The following PLCB4 variants were observed in gnomAD, a reference collection of about 807,000 sequenced individuals.
PLCB4 encodes phospholipase C beta 4.
PLCB4 carries 77 observed loss-of-function variants against 178.8 expected under a neutral mutation model. The observed-to-expected ratio is 0.43, with a 90% CI of 0.36 to 0.52. The LOEUF is 0.52. Ranked by LOEUF, PLCB4 falls within the 20% of genes least tolerant of loss-of-function variation. The probability of loss-of-function intolerance (pLI) is 0.00; values close to 1 mark genes in which losing one functional copy is unlikely to be tolerated. For missense variants in PLCB4, 1,024 were observed against 1,453.4 expected (o/e 0.70, Z 4.80); for synonymous variants, 496 against 490.8 (o/e 1.01, Z -0.14).
intron 3 of PLCB4, among the ~76,000 whole-genome samples, chr20:9,253,993 G>T (rs900169806): frequency 6.6e-6 from 1 of 152,186 alleles, no homozygotes; most frequent in African/African-American, 2.4e-5. Flanking sequence ...TGTTTGGTCT[G>T]CCCAGCTCTA....
chr20:9,115,650 T>G (rs1259164431), intron 2 of PLCB4, among the ~76,000 whole-genome samples: 1 of 144,418 alleles, frequency 6.9e-6, no homozygotes, highest in Non-Finnish European at 1.5e-5. Flanking sequence ...CATTGTTCAA[T>G]TCCCTCCTAT....
intron 39 of PLCB4, among the ~76,000 whole-genome samples, chr20:9,477,158 A>G (rs2044602963): frequency 6.6e-6 from 1 of 152,164 alleles, no homozygotes; most frequent in Non-Finnish European, 1.5e-5. Flanking sequence ...GTGGTTTTTA[A>G]TGATGGAGCT....
intron 19 of PLCB4, among the ~76,000 whole-genome samples, chr20:9,397,465 TAGCATCTAGAATGGTG>T (rs1301261608): frequency 6.6e-6 from 1 of 152,244 alleles, no homozygotes; most frequent in Non-Finnish European, 1.5e-5. Flanking sequence ...TCTTTCTTAA[TAGCATCTAGAATGGTG>T]AACATCAGAA....
chr20:9,414,751 C>T (rs922402043), intron 25 of PLCB4, among the ~76,000 whole-genome samples: 5 of 152,182 alleles, frequency 3.3e-5, no homozygotes, highest in Middle Eastern at 3.4e-3. Flanking sequence ...TTAACAGTCT[C>T]GTTTTTGAAG....
intron 1 of PLCB4, among the ~76,000 whole-genome samples, chr20:9,088,113 G>A (rs2090514797): frequency 6.6e-6 from 1 of 151,912 alleles, no homozygotes; most frequent in East Asian, 1.9e-4. Flanking sequence ...ATCCAGGCAG[G>A]GAATAGAATA....
chr20:9,110,048 A>G (rs2091517683), intron 2 of PLCB4, among the ~76,000 whole-genome samples: 3 of 152,120 alleles, frequency 2.0e-5, no homozygotes, highest in South Asian at 4.1e-4. Flanking sequence ...AGTTTTTTAA[A>G]ATTATTATTA....
chr20:9,400,968 A>G (rs1249033342), intron 19 of PLCB4, among the ~76,000 whole-genome samples: 1 of 152,206 alleles, frequency 6.6e-6, no homozygotes, highest in Non-Finnish European at 1.5e-5. Context: ...AATAGTTTGC[A>G]GGAGTAGCAC....
chr20:9,411,727 A>G (rs2148516380), intron 25 of PLCB4, among the ~76,000 whole-genome samples: 1 of 152,176 alleles, frequency 6.6e-6, no homozygotes, highest in African/African-American at 2.4e-5. Context: ...GAGATAAAAA[A>G]AAAAAAACAC....
intron 2 of PLCB4, among the ~76,000 whole-genome samples, chr20:9,216,282 A>G (rs977684907): frequency 2.0e-5 from 3 of 151,886 alleles, no homozygotes; most frequent in Admixed American, 6.6e-5. Context: ...CAGTGGTGCC[A>G]TCTCGGCTTG....
chr20:9,072,201 T>C (rs987699667), intron 1 of PLCB4, among the ~76,000 whole-genome samples: 1 of 152,196 alleles, frequency 6.6e-6, no homozygotes, highest in African/African-American at 2.4e-5. Flanking sequence ...GGTTTTCAGA[T>C]GTGAACTGTG....
chr20:9,156,689 AT>A (rs1295165341), intron 2 of PLCB4, among the ~76,000 whole-genome samples: 1 of 152,164 alleles, frequency 6.6e-6, no homozygotes, highest in Admixed American at 6.5e-5. Context: ...TACATTTGAC[AT>A]TCAAAAGCAA....
intron 34 of PLCB4, 24 bp from the exon 35 acceptor site, chr20:9,459,611 C>T: frequency 6.4e-7 from 1 of 1,571,756 alleles, no homozygotes. Flanking sequence ...ATTACAATGG[C>T]ACCGTCCCCT....
chr20:9,169,988 T>A (rs566395748), intron 2 of PLCB4, among the ~76,000 whole-genome samples: 1 of 152,316 alleles, frequency 6.6e-6, no homozygotes, highest in African/African-American at 2.4e-5. Flanking sequence ...TATCAGTTAT[T>A]CATACGAAAT....
At chr20:9,210,832 C>T (rs2093664939) in intron 2 of PLCB4, among the ~76,000 whole-genome samples, 1 of 152,164 alleles carries the variant, frequency 6.6e-6, no homozygotes, top group Admixed American at 6.5e-5. Flanking sequence ...GGGGTGAGTG[C>T]CATGAGTTCT....
At chr20:9,249,346 C>T (rs553924858) in intron 3 of PLCB4, among the ~76,000 whole-genome samples, 39 of 152,204 alleles carry the variant, frequency 2.6e-4, no homozygotes, top group Non-Finnish European at 5.0e-4. Flanking sequence ...ATCTCTCTGT[C>T]GCCTAGGCTG....
chr20:9,094,181 CAAG>C (rs1327259108), intron 1 of PLCB4, among the ~76,000 whole-genome samples: 1 of 151,966 alleles, frequency 6.6e-6, no homozygotes, highest in African/African-American at 2.4e-5. Flanking sequence ...CAATTTCTGA[CAAG>C]AATGAGATAA....
intron 1 of PLCB4, among the ~76,000 whole-genome samples, chr20:9,077,023 A>G (rs749265705): frequency 7.9e-5 from 12 of 152,150 alleles, no homozygotes; most frequent in Non-Finnish European, 1.6e-4. Flanking sequence ...ATGTATAAGT[A>G]TATATACATG....
rs534473505 is a variant in PLCB4 at position 9,233,616 on chromosome 20, C to T, written c.-16+16164C>T. On this transcript the variant is annotated intron_variant, in intron 3 of 39. Coordinates refer to ENST00000378473, the MANE Select transcript of PLCB4 (RefSeq NM_001377142.1). ...CTTAGATCCAAATGATGAGAAAGAG[C>T]CAGGAATGTGAACTAAGAGTACCAC... Among the ~76,000 whole-genome samples the T allele has an allele frequency of 4.6e-5, 7 of 152,086 alleles. No homozygotes were observed. The South Asian group carries it at 1.5e-3, about 32-fold the overall frequency.
At chr20:9,148,922 G>GT (rs2092645498) in intron 2 of PLCB4, among the ~76,000 whole-genome samples, 1 of 152,206 alleles carries the variant, frequency 6.6e-6, no homozygotes, top group Non-Finnish European at 1.5e-5. Flanking sequence ...AAAGAGCCAT[G>GT]TAAGTGTAAG....
Sources: gnomAD v4.1 joint callset for allele counts (sites outside exome capture counted in the v4.1 genomes callset) on GRCh38, gnomAD v4.1.1 for gene constraint, MANE v1.5 for transcripts, NCBI Gene and HGNC (gene_info 2026-07-23, HGNC 2026-07-21) for gene names.